The following RAD51B variants were observed in gnomAD, a reference collection of about 807,000 sequenced individuals.
RAD51B encodes RAD51 paralog B.
In RAD51B, 38 loss-of-function variants were observed where a neutral mutation model predicts 42.2. The ratio of observed to expected loss-of-function variants is 0.90; its 90% CI spans 0.70 to 1.18. The LOEUF (loss-of-function observed/expected upper bound fraction) is 1.18. Ranked by LOEUF, RAD51B falls within the 50% of genes most tolerant of loss-of-function variation. The probability of loss-of-function intolerance (pLI) is 0.00; values close to 1 mark genes in which losing one functional copy is unlikely to be tolerated. For missense variants in RAD51B, 373 were observed against 400.7 expected (o/e 0.93, Z 0.59); for synonymous variants, 154 against 145.2 (o/e 1.06, Z -0.43).
intron 8 of RAD51B, chr14:68,339,140 A>C (rs756289142): frequency 9.9e-6 from 7 of 710,248 alleles, no homozygotes; most frequent in Non-Finnish European, 1.8e-5. Flanking sequence ...GTGGTCTCTT[A>C]GTGGGGATGT....
intron 7 of RAD51B, among the ~76,000 whole-genome samples, chr14:68,145,371 C>T (rs906264162): frequency 7.2e-5 from 11 of 152,102 alleles, no homozygotes; most frequent in African/African-American, 1.4e-4. Context: ...CACCTACGGG[C>T]GGGGTACATT....
intron 7 of RAD51B, among the ~76,000 whole-genome samples, chr14:68,098,600 C>T (rs2077236076): frequency 6.6e-6 from 1 of 152,132 alleles, no homozygotes; most frequent in African/African-American, 2.4e-5. Flanking sequence ...CCCTGATAAA[C>T]CCATCAGATC....
chr14:67,878,682 A>C (rs929018872), intron 5 of RAD51B, among the ~76,000 whole-genome samples: 1 of 152,116 alleles, frequency 6.6e-6, no homozygotes, highest in African/African-American at 2.4e-5. Context: ...TAAGTCCATT[A>C]CATGGTATGT....
intron 10 of RAD51B, among the ~76,000 whole-genome samples, chr14:68,531,812 G>A (rs553361670): frequency 2.0e-4 from 30 of 152,118 alleles, no homozygotes; most frequent in South Asian, 2.1e-4. Flanking sequence ...CAGCCTAGAC[G>A]AGATAGGAAG....
In RAD51B at chr14:68,016,638, A is replaced by G. The variant is rs184860887; in HGVS notation, c.756+129434A>G. ...ATTTAGTAGTCAGCTCTTGTGAAAG[A>G]GTACAAGCCAACTCACATACACTTT... On this transcript the variant is annotated intron_variant, in intron 7 of 10. Transcript: ENST00000471583. Among the ~76,000 whole-genome samples the G allele has an allele frequency of 3.9e-5, 6 of 152,346 alleles. No homozygotes were observed. In the East Asian group the frequency reaches 1.2e-3, roughly 29 times the overall value.
chr14:68,025,694 C>T (rs1313774723), intron 7 of RAD51B, among the ~76,000 whole-genome samples: 5 of 151,614 alleles, frequency 3.3e-5, no homozygotes, highest in Non-Finnish European at 4.4e-5. Context: ...GAGGATCTTT[C>T]GTTTTTCTGT....
intron 7 of RAD51B, among the ~76,000 whole-genome samples, chr14:68,147,274 G>T (rs2078272152): frequency 6.6e-6 from 1 of 152,162 alleles, no homozygotes; most frequent in Non-Finnish European, 1.5e-5. Context: ...ATGAATACAT[G>T]TGTCCTGGAA....
intron 4 of RAD51B, among the ~76,000 whole-genome samples, chr14:67,847,326 C>A: frequency 9.5e-6 from 1 of 105,636 alleles, no homozygotes; most frequent in South Asian, 3.2e-4. Context: ...TTGGTTTGTT[C>A]TTTTTTTTTT....
chr14:68,065,424 C>T (rs1595348731), intron 7 of RAD51B, among the ~76,000 whole-genome samples: 1 of 152,244 alleles, frequency 6.6e-6, no homozygotes, highest in South Asian at 2.1e-4. Context: ...CTGGTCTGTG[C>T]TCAGGGAAAA....
intron 7 of RAD51B, among the ~76,000 whole-genome samples, chr14:68,228,445 A>G (rs1050416116): frequency 2.0e-5 from 3 of 152,214 alleles, no homozygotes; most frequent in Admixed American, 6.5e-5. Flanking sequence ...CATTATTCTT[A>G]CTAGATTTAT....
chr14:68,063,279 C>G (rs533798384), intron 7 of RAD51B, among the ~76,000 whole-genome samples: 1 of 151,928 alleles, frequency 6.6e-6, no homozygotes, highest in Non-Finnish European at 1.5e-5. Flanking sequence ...CATATTTATT[C>G]TTGGCCAAAT....
chr14:68,220,459 C>T (rs2140961929), intron 7 of RAD51B, among the ~76,000 whole-genome samples: 1 of 152,288 alleles, frequency 6.6e-6, no homozygotes, highest in African/African-American at 2.4e-5. Context: ...ATAGAAGGGA[C>T]ACACCTTAAG....
At position 68,189,007 on chromosome 14, in the gene RAD51B, C is replaced by T. The variant is rs540641420; in HGVS notation, c.757-102877C>T. Among the ~76,000 whole-genome samples, 5 of 152,196 alleles carry T rather than the reference C, an allele frequency of 3.3e-5. No individual in the cohort carries two copies. The East Asian group carries it at 9.6e-4, about 29-fold the overall frequency. ...CTAGGCACAACTCCTCCTCCTTGTT[C>T]TCTACTTCTATTGTAGTGGTTCTGC... On this transcript the variant is annotated intron_variant, in intron 7 of 10. Transcript: ENST00000471583.
chr14:68,542,447 T>C (rs1888018303), intron 10 of RAD51B, among the ~76,000 whole-genome samples: 1 of 152,220 alleles, frequency 6.6e-6, no homozygotes, highest in African/African-American at 2.4e-5. Flanking sequence ...TTTGTGTGTG[T>C]TAGATTAAAT....
chr14:68,038,570 T>C (rs529551374), intron 7 of RAD51B, among the ~76,000 whole-genome samples: 116 of 152,314 alleles, frequency 7.6e-4, no homozygotes, highest in African/African-American at 2.7e-3. Flanking sequence ...TCATAATATC[T>C]GTATGGTTAT....
Position 67,957,525 on chromosome 14 carries a change from T to C in RAD51B, c.756+70321T>C, listed in dbSNP as rs1205739490. ...AAGAGAAAGTGAAAAGAAAATAAAT[T>C]TGAAAAAGAAGGACCAAAGAAATGA... is the stretch of plus-strand genomic sequence containing the variant. On this transcript the variant is annotated intron_variant, in intron 7 of 10. Transcript: ENST00000471583. 4.6e-5 allele frequency among the ~76,000 whole-genome samples: 7 copies of C among 152,028 alleles called. No homozygotes were observed. In the South Asian group the frequency reaches 1.0e-3, roughly 23 times the overall value.
At chr14:68,431,126 T>C (rs2084992759) in intron 9 of RAD51B, among the ~76,000 whole-genome samples, 1 of 152,198 alleles carries the variant, frequency 6.6e-6, no homozygotes, top group Admixed American at 6.5e-5. Flanking sequence ...GGATAAGCTT[T>C]TTGATGTGCT....
At chr14:68,192,389 A>G (rs1330081718) in intron 7 of RAD51B, among the ~76,000 whole-genome samples, 2 of 152,218 alleles carry the variant, frequency 1.3e-5, no homozygotes, top group Non-Finnish European at 2.9e-5. Flanking sequence ...TGCAAAAGTT[A>G]TTAAATAGTA....
At chr14:68,610,005 G>A (rs1042893891) in intron 10 of RAD51B, among the ~76,000 whole-genome samples, 7 of 151,670 alleles carry the variant, frequency 4.6e-5, no homozygotes, top group South Asian at 4.2e-4. Context: ...TCTCCTCCGC[G>A]TCCACATCTT....
Sources: allele counts gnomAD v4.1 joint callset (sites outside exome capture counted in the v4.1 genomes callset), GRCh38; gene constraint gnomAD v4.1.1; transcripts MANE v1.5; gene names NCBI Gene and HGNC (gene_info 2026-07-23, HGNC 2026-07-21).